Variants in WWC2 observed in about 807,000 individuals in gnomAD.
WWC2 encodes protein WWC2.
Under a neutral mutation model 138.5 loss-of-function variants are expected in WWC2, and 101 were observed. The observed-to-expected ratio is 0.73, with a 90% CI of 0.62 to 0.86. The LOEUF (loss-of-function observed/expected upper bound fraction) is 0.86. WWC2 is among the 40% of genes least tolerant of loss of function. WWC2 has a pLI of 0.00. For synonymous variants in WWC2, 558 were observed against 538.4 expected (o/e 1.04, Z -0.50); for missense variants, 1,420 against 1,419.4 (o/e 1.00, Z -0.01).
intron 1 of WWC2, among the ~76,000 whole-genome samples, chr4:183,168,083 C>G (rs1221079643): frequency 1.3e-5 from 2 of 151,864 alleles, no homozygotes; most frequent in East Asian, 3.9e-4. Flanking sequence ...GTCTCCATCT[C>G]CTGACCTCGT....
Position 183,265,908 on chromosome 4 carries a change from C to T in WWC2, c.2164C>T (p.Leu722Phe). ...AAGTTTCATGGTGATTATAGCACAG[C>T]TCCGAAACCTTCATGCCTTCTTGAT... The part of the protein sequence containing the change: ...SSSFMVIIAQ[L>F]RNLHAFLIPH... The change falls in exon 14 of 23, where the codon CTC (leucine) becomes TTC (phenylalanine). Residue 722 changes from leucine (L) to phenylalanine (F), a missense_variant. Coordinates refer to ENST00000403733, the MANE Select transcript of WWC2 (RefSeq NM_024949.6). The T allele has an allele frequency of 1.2e-6, 2 of 1,613,450 alleles. No homozygotes were observed. The highest frequency in any genetic ancestry group is 1.7e-6 in the Non-Finnish European group (2 of 1,179,708).
chr4:183,199,580 A>G (rs1735247294), intron 2 of WWC2, among the ~76,000 whole-genome samples: 1 of 152,202 alleles, frequency 6.6e-6, no homozygotes, highest in Admixed American at 6.5e-5. Context: ...ACAAATAATA[A>G]ATGAATATAG....
intron 1 of WWC2, among the ~76,000 whole-genome samples, chr4:183,129,275 T>C (rs1280477603): frequency 6.6e-6 from 1 of 152,034 alleles, no homozygotes; most frequent in Non-Finnish European, 1.5e-5. Context: ...AGAGAATGTT[T>C]TTGGGGGAGG....
chr4:183,270,800 G>A (rs967004639), intron 15 of WWC2, among the ~76,000 whole-genome samples: 8 of 151,942 alleles, frequency 5.3e-5, no homozygotes, highest in African/African-American at 1.7e-4. Flanking sequence ...TACATAAAAG[G>A]CATGCTTAGT....
intron 9 of WWC2, among the ~76,000 whole-genome samples, chr4:183,254,561 T>C (rs777114175): frequency 3.5e-4 from 54 of 152,252 alleles, no homozygotes; most frequent in Non-Finnish European, 6.2e-4. Flanking sequence ...GTGAGTTGAT[T>C]ATTCCATCTA....
At chr4:183,122,874 G>C (rs946125059) in intron 1 of WWC2, among the ~76,000 whole-genome samples, 13 of 152,154 alleles carry the variant, frequency 8.5e-5, no homozygotes, top group Admixed American at 8.5e-4. Context: ...AAAAGTAACA[G>C]CCAGTTCTCA....
At chr4:183,178,502 G>A (rs1734528247) in intron 1 of WWC2, among the ~76,000 whole-genome samples, 1 of 151,532 alleles carries the variant, frequency 6.6e-6, no homozygotes. Flanking sequence ...GATCACTTGA[G>A]CCCAGGAGTT....
chr4:183,254,045 T>C, intron 9 of WWC2, 46 bp downstream of exon 9: 1 of 1,585,948 alleles, frequency 6.3e-7, no homozygotes, highest in Non-Finnish European at 8.6e-7. Flanking sequence ...CTTGTGGGGG[T>C]GTCTTAACTG....
chr4:183,255,661 A>C (rs55661792), intron 9 of WWC2, among the ~76,000 whole-genome samples: 55,390 of 151,984 alleles, frequency 0.36, 10,195 homozygotes, highest in South Asian at 0.49. Flanking sequence ...GAAAGAAGAC[A>C]TATTTGTTTG....
intron 1 of WWC2, among the ~76,000 whole-genome samples, chr4:183,128,133 G>A (rs1024498754): frequency 1.3e-5 from 2 of 151,888 alleles, no homozygotes; most frequent in African/African-American, 2.4e-5. Context: ...AAGGTCAGGA[G>A]TTCGAGACCA....
chr4:183,299,606 C>T (rs1018979075), intron 21 of WWC2, among the ~76,000 whole-genome samples: 64 of 152,096 alleles, frequency 4.2e-4, no homozygotes, highest in African/African-American at 1.3e-3. Context: ...TTCATTATAG[C>T]GACAGAAACT....
intron 1 of WWC2, among the ~76,000 whole-genome samples, chr4:183,149,415 G>C (rs1004705992): frequency 6.6e-6 from 1 of 152,126 alleles, no homozygotes; most frequent in Non-Finnish European, 1.5e-5. Context: ...CTGAGGTTGG[G>C]AGTTTGAGAC....
intron 4 of WWC2, among the ~76,000 whole-genome samples, chr4:183,217,884 T>C (rs1735801095): frequency 6.6e-6 from 1 of 151,780 alleles, no homozygotes; most frequent in Non-Finnish European, 1.5e-5. Flanking sequence ...AAATTATTAA[T>C]CCATCAATAT....
chr4:183,186,227 A>G (rs1320888483), intron 1 of WWC2, among the ~76,000 whole-genome samples: 1 of 152,214 alleles, frequency 6.6e-6, no homozygotes, highest in Non-Finnish European at 1.5e-5. Context: ...TATAGGCGTA[A>G]TCCACTGTGC....
chr4:183,311,486 A>G (rs1464281008), intron 21 of WWC2, among the ~76,000 whole-genome samples: 1 of 152,130 alleles, frequency 6.6e-6, no homozygotes, highest in Non-Finnish European at 1.5e-5. Flanking sequence ...CAGAGCGGGA[A>G]GGGCAGGAGT....
intron 5 of WWC2, among the ~76,000 whole-genome samples, chr4:183,244,584 T>TAGAG (rs950712508): frequency 4.0e-5 from 6 of 148,324 alleles, no homozygotes; most frequent in African/African-American, 1.2e-4. Context: ...TATATATATA[T>TAGAG]AGAGAGAGAG....
At chr4:183,310,832 T>TAAAAA (rs34169882) in intron 21 of WWC2, among the ~76,000 whole-genome samples, 7 of 113,428 alleles carry the variant, frequency 6.2e-5, no homozygotes, top group Non-Finnish European at 8.6e-5. Flanking sequence ...TGGCATATTG[T>TAAAAA]AAAAAAAAAA....
chr4:183,215,082 C>G (rs980424382), intron 4 of WWC2, among the ~76,000 whole-genome samples: 14 of 152,128 alleles, frequency 9.2e-5, no homozygotes, highest in African/African-American at 3.4e-4. Context: ...GCCTGAAGCC[C>G]CAGATAGTAC....
intron 1 of WWC2, among the ~76,000 whole-genome samples, chr4:183,173,384 T>C (rs1353637806): frequency 6.6e-6 from 1 of 152,068 alleles, no homozygotes; most frequent in Non-Finnish European, 1.5e-5. Flanking sequence ...ACCTGTTCTA[T>C]CTCTCTGAAT....
Sources: allele counts gnomAD v4.1 joint callset (sites outside exome capture counted in the v4.1 genomes callset), GRCh38; gene constraint gnomAD v4.1.1; transcripts MANE v1.5; gene names NCBI Gene and HGNC (gene_info 2026-07-23, HGNC 2026-07-21).